SLC44A5: variants seen among roughly 807,000 people sequenced by gnomAD.
SLC44A5 encodes the protein solute carrier family 44 member 5, also known as choline transporter-like protein 5.
Under a neutral mutation model 101.8 loss-of-function variants are expected in SLC44A5, and 57 were observed. The ratio of observed to expected loss-of-function variants is 0.56; its 90% CI spans 0.45 to 0.70. The LOEUF (loss-of-function observed/expected upper bound fraction) is 0.70, where lower values mean the gene tolerates loss of function less well. Among genes scored for constraint, SLC44A5 ranks in the 30% least tolerant of loss-of-function variants. The pLI is 0.00. For synonymous variants in SLC44A5, 281 were observed against 290.9 expected (o/e 0.97, Z 0.35); for missense variants, 737 against 853.1 (o/e 0.86, Z 1.70).
intron 2 of SLC44A5, among the ~76,000 whole-genome samples, chr1:75,461,955 G>A (rs1328978305): frequency 6.6e-6 from 1 of 152,224 alleles, no homozygotes; most frequent in African/African-American, 2.4e-5. Flanking sequence ...GGGTCCTGGA[G>A]AAAATCACAA....
intron 17 of SLC44A5, among the ~76,000 whole-genome samples, chr1:75,218,203 CT>C (rs1282162662): frequency 1.3e-5 from 2 of 152,100 alleles, no homozygotes; most frequent in African/African-American, 4.8e-5. Context: ...GATGTTTTTA[CT>C]GCTCAATGGA....
At chr1:75,444,563 A>G (rs1316034788) in intron 2 of SLC44A5, among the ~76,000 whole-genome samples, 1 of 151,266 alleles carries the variant, frequency 6.6e-6, no homozygotes, top group Non-Finnish European at 1.5e-5. Flanking sequence ...GAAAAATTTT[A>G]TTGTTATTTT....
At chr1:75,219,983 G>T in intron 14 of SLC44A5, 91 bp from the exon 15 acceptor site, 1 of 694,422 alleles carries the variant, frequency 1.4e-6, no homozygotes, top group Non-Finnish European at 2.3e-6. Flanking sequence ...TAATAACCAC[G>T]GACTCTTTTT....
chr1:75,250,372 T>C (rs1038982698), intron 7 of SLC44A5, among the ~76,000 whole-genome samples: 2 of 152,190 alleles, frequency 1.3e-5, no homozygotes, highest in African/African-American at 4.8e-5. Flanking sequence ...ATGGTGTATA[T>C]GTACCACATT....
At chr1:75,667,272 T>A in the SLC44A5 span, among the ~76,000 whole-genome samples, 2 of 152,186 alleles carry the variant, frequency 1.3e-5, no homozygotes, top group East Asian at 3.9e-4. Flanking sequence ...TCACACGCAT[T>A]CCTATACACC....
chr1:75,311,514 A>G, intron 4 of SLC44A5: 1 of 980,136 alleles, frequency 1.0e-6, no homozygotes, highest in Non-Finnish European at 1.2e-6. Context: ...AAGCACTACA[A>G]TTCAACTTAC....
intron 3 of SLC44A5, among the ~76,000 whole-genome samples, chr1:75,345,689 AC>A (rs899402169): frequency 6.6e-4 from 100 of 152,312 alleles, no homozygotes; most frequent in Non-Finnish European, 5.3e-4. Context: ...TGAAAGCTAG[AC>A]AACAGCACAT....
chr1:75,562,694 A>G (rs866096824), intron 1 of SLC44A5, among the ~76,000 whole-genome samples: 1 of 152,028 alleles, frequency 6.6e-6, no homozygotes, highest in African/African-American at 2.4e-5. Context: ...TGTCACAAAA[A>G]AATATATATA....
rs145132768 is a variant in SLC44A5, at chr1:75,411,965, T to C, written c.14-15344A>G. ...TTGAATGACAATTCGCTATGATTTA[T>C]AAATTTTGTAAGACCTTTCATCTTG... On this transcript the variant is annotated intron_variant, in intron 2 of 23. Transcript: ENST00000370859. Among the ~76,000 whole-genome samples, 695 of 152,260 alleles carry C rather than the reference T, an allele frequency of 4.6e-3. 7 individuals are homozygous for C. The highest frequency in any genetic ancestry group is 0.016 in the African/African-American group (670 of 41,560).
In SLC44A5 at chr1:75,586,907, AT is replaced by A. The variant is rs34309545; in HGVS notation, c.-70+24132del. On this transcript the variant is annotated intron_variant, in intron 1 of 23. Coordinates refer to ENST00000370859, the MANE Select transcript of SLC44A5 (RefSeq NM_001130058.2). ...AATTTGGAATAGAGTAAGTTTTGTG[AT>A]TTTTTTTTTAAGTCTTATGATAACT... Among the ~76,000 whole-genome samples, 552 of 150,560 alleles carry A rather than the reference AT, an allele frequency of 3.7e-3. 4 individuals carry two copies. The highest frequency in any genetic ancestry group is 0.012 in the African/African-American group (503 of 41,076).
intron 4 of SLC44A5, among the ~76,000 whole-genome samples, chr1:75,310,544 G>A (rs539881615): frequency 6.6e-5 from 10 of 152,144 alleles, no homozygotes; most frequent in African/African-American, 1.9e-4. Context: ...CTCTACTAGC[G>A]GACACAAGAG....
intron 1 of SLC44A5, among the ~76,000 whole-genome samples, chr1:75,597,097 A>G (rs1308592232): frequency 2.0e-5 from 3 of 149,544 alleles, no homozygotes; most frequent in Admixed American, 1.3e-4. Flanking sequence ...CTGAAGTGGG[A>G]GGATGGCTTG....
chr1:75,357,274 G>T (rs945737904), intron 3 of SLC44A5: 1 of 453,856 alleles, frequency 2.2e-6, no homozygotes, highest in African/African-American at 2.0e-5. Flanking sequence ...AAAAGCTCTT[G>T]AACTTGGAGG....
chr1:75,294,381 G>A (rs905583238), intron 5 of SLC44A5, among the ~76,000 whole-genome samples: 2 of 152,136 alleles, frequency 1.3e-5, no homozygotes, highest in Non-Finnish European at 2.9e-5. Flanking sequence ...ACTGTTAGTA[G>A]GAATGTAAAT....
chr1:75,702,004 A>G, the SLC44A5 span, among the ~76,000 whole-genome samples: 3 of 152,100 alleles, frequency 2.0e-5, no homozygotes, highest in Non-Finnish European at 4.4e-5. Context: ...AATGAAATAA[A>G]AGAGGATACA....
intron 1 of SLC44A5, among the ~76,000 whole-genome samples, chr1:75,565,089 C>T (rs550210961): frequency 6.6e-6 from 1 of 152,096 alleles, no homozygotes; most frequent in African/African-American, 2.4e-5. Context: ...AAGTTGTTGA[C>T]CATTACAAAC....
chr1:75,205,703 C>CA (rs1159730586), intron 23 of SLC44A5: 1 of 152,110 alleles, frequency 6.6e-6, no homozygotes, highest in Non-Finnish European at 1.5e-5. Flanking sequence ...AAAGGTGAGA[C>CA]AAAATCAAAC....
At chr1:75,660,611 A>C in the SLC44A5 span, among the ~76,000 whole-genome samples, 16 of 152,284 alleles carry the variant, frequency 1.1e-4, 1 homozygote, top group Admixed American at 9.2e-4. Context: ...AGAACTGATA[A>C]ACAAATTCAG....
In SLC44A5 at chr1:75,261,124, A is replaced by G. The variant is rs570771579; in HGVS notation, c.261-9830T>C. ...CACATTTAAAAGAACTAGAGAAGCA[A>G]GAGCAAACAAATTCAAAAGCTAGCA... On this transcript the variant is annotated intron_variant, in intron 6 of 23. Coordinates refer to ENST00000370859, the MANE Select transcript of SLC44A5 (RefSeq NM_001130058.2). Among the ~76,000 whole-genome samples, 40 of 152,296 alleles carry G rather than the reference A, an allele frequency of 2.6e-4. No individual in the cohort carries two copies. In the South Asian group the frequency reaches 8.1e-3, roughly 31 times the overall value.
Sources: gnomAD v4.1 joint callset for allele counts (sites outside exome capture counted in the v4.1 genomes callset) on GRCh38, gnomAD v4.1.1 for gene constraint, MANE v1.5 for transcripts, NCBI Gene and HGNC (gene_info 2026-07-23, HGNC 2026-07-21) for gene names.